VAX1: variants seen among roughly 807,000 people sequenced by gnomAD.
VAX1 encodes the protein ventral anterior homeobox 1.
In VAX1, 6 loss-of-function variants were observed where a neutral mutation model predicts 17.6. The ratio of observed to expected loss-of-function variants is 0.34; its 90% confidence interval spans 0.19 to 0.67. VAX1 has a LOEUF of 0.67. Ranked by LOEUF, VAX1 falls within the 30% of genes least tolerant of loss-of-function variation. VAX1 has a pLI of 0.69. For synonymous variants in VAX1, 256 were observed against 227.4 expected, an observed-to-expected ratio of 1.13 and a Z score of -1.13; for missense variants, 408 against 463.7, an observed-to-expected ratio of 0.88 and a Z score of 1.10.
chr10:117,132,071 C>G (rs754362087), downstream of VAX1: 1 of 840,578 alleles, frequency 1.2e-6, no homozygotes, highest in Non-Finnish European at 1.8e-6. This position sits in a 1 kb window ranked among gnomAD's most constrained non-coding sequence, Gnocchi z 4.9. Flanking sequence ...CTCAGAGGGA[C>G]AGATAGAGAA....
rs567366994 is a variant in VAX1 at position 117,136,293 on chromosome 10, G to T, written c.429+179C>A. ...TTGGGGATGGCAGGAATGGTGGGGG[G>T]AAAGGATGTATTATCTAGGGGAAGG... is the stretch of plus-strand genomic sequence containing the variant. On this transcript the variant is annotated intron_variant, in intron 2 of 2. Coordinates refer to ENST00000369206, the MANE Select transcript of VAX1 (RefSeq NM_001112704.2). The surrounding 1 kb of genome is among the most constrained non-coding windows in gnomAD (Gnocchi z 5.0). 1.2e-3 allele frequency among the ~76,000 whole-genome samples: 181 copies of T among 152,342 alleles called. 2 individuals carry two copies. Among genetic ancestry groups the T allele is most frequent in the East Asian group, 9.9e-3 (51 of 5,174 alleles).
downstream of VAX1, chr10:117,132,618 T>A (rs939494118): frequency 5.0e-6 from 5 of 1,003,018 alleles, no homozygotes; most frequent in Non-Finnish European, 7.2e-6. This position sits in a 1 kb window ranked among gnomAD's most constrained non-coding sequence, Gnocchi z 4.9. Context: ...CCTCGCAGTC[T>A]GGGTCTGTGA....
rs1394930296 is a variant in VAX1 at position 117,136,766 on chromosome 10, A to T, written c.242-107T>A. 1.4e-6 allele frequency: 2 copies of T among 1,393,624 alleles called. No individual in the cohort carries two copies. The highest frequency in any genetic ancestry group is 2.6e-5 in the Admixed American group (1 of 38,312). The allele number at this position is 1,393,624 out of a possible 1,614,324, so 86.3% of individuals were successfully genotyped here. On this transcript the variant is annotated intron_variant, in intron 1 of 2. Transcript: ENST00000369206. The surrounding 1 kb of genome is among the most constrained non-coding windows in gnomAD (Gnocchi z 5.0). ...TCCCCAGAAGCGTGCAGTTTTGGGGATGGGGGGCGGGGTGCGGAGCGCGAC... is the reference window on the plus strand; with the variant it reads ...TCCCCAGAAGCGTGCAGTTTTGGGGTTGGGGGGCGGGGTGCGGAGCGCGAC...
In VAX1 at chr10:117,138,150, G is replaced by C. The variant is rs1008591079; in HGVS notation, c.-94C>G. ...GAAGGAAAAAAAAAAGAGGAAAAAG[G>C]GGACAAAACCCCCGACAACGCGGCC... is the stretch of plus-strand genomic sequence containing the variant. On this transcript the variant is annotated 5_prime_UTR_variant, in exon 1 of 3. Transcript: ENST00000369206. 5 of 1,251,186 alleles carry C rather than the reference G, an allele frequency of 4.0e-6. No individual in the cohort carries two copies. 77.5% of individuals were successfully genotyped at this position (1,251,186 alleles called of 1,614,324 possible).
At position 117,134,235 on chromosome 10, in the gene VAX1, C is replaced by T. The variant is rs1226333548; in HGVS notation, c.778G>A (p.Gly260Arg). The T allele has an allele frequency of 7.1e-7, 1 of 1,414,164 alleles. No homozygotes were observed. The highest frequency in any genetic ancestry group is 9.1e-7 in the Non-Finnish European group (1 of 1,093,898). 87.6% of individuals were successfully genotyped at this position (1,414,164 alleles called of 1,614,324 possible). A position where few individuals can be genotyped will look rare whatever the true frequency, so the allele number is the denominator to read the frequency against. Residue 260 changes from glycine to arginine, a missense_variant, in exon 3 of 3, where the codon GGA becomes AGA. Gly to Arg is a moderately radical substitution (Grantham distance 125, BLOSUM62 -2). Around this residue, in one of 4 missense-constraint regions of VAX1, gnomAD observed 196 missense variants for 218.7 expected, o/e 0.90. Coordinates refer to ENST00000369206, the MANE Select transcript of VAX1 (RefSeq NM_001112704.2). The surrounding 1 kb of genome is among the most constrained non-coding windows in gnomAD (Gnocchi z 6.2). The stretch of plus-strand genomic sequence containing the variant: ...GCGGCCGGGGCGCCTGCGTGCAATC[C>T]CCCCGGCCCGGCGGGCCCGGGACCT... Reference protein sequence around the residue: ...APGPGPAGPGGLHAGAPAAGH... With the variant: ...APGPGPAGPGRLHAGAPAAGH...
In VAX1 at chr10:117,137,850, C is replaced by A; in HGVS notation, c.207G>T (p.Ala69=). 1 of 1,613,252 alleles carries A rather than the reference C, an allele frequency of 6.2e-7. No homozygotes were observed. Among genetic ancestry groups the A allele is most frequent in the Non-Finnish European group, 8.5e-7 (1 of 1,179,972 alleles). ...DCNKSKSNSA[A]DPDYCRRILV... ...GGATCCGGCGGCAGTAATCCGGGTC[C>A]GCTGCGGAATTGGATTTACTTTTGT... The change falls in exon 1 of 3, where the codon GCG becomes GCT. Residue 69 remains alanine (A), a synonymous_variant. Transcript: ENST00000369206. The surrounding 1 kb of genome is among the most constrained non-coding windows in gnomAD (Gnocchi z 7.4).
At position 117,133,946 on chromosome 10, in the gene VAX1, G is replaced by T. The variant is rs369343832; in HGVS notation, c.*62C>A. On this transcript the variant is annotated 3_prime_UTR_variant, in exon 3 of 3. Transcript: ENST00000369206. ...CAGGAGCTCTGGGCACCTAATGCGC[G>T]TGAGTCCATAAATATCACCACAATA... 3 of 1,452,136 alleles carry T rather than the reference G, an allele frequency of 2.1e-6. No homozygotes were observed. The highest frequency in any genetic ancestry group is 3.3e-5 in the Admixed American group (1 of 30,612). The allele number at this position is 1,452,136 out of a possible 1,614,324, so 90.0% of individuals were successfully genotyped here. A position where few individuals can be genotyped will look rare whatever the true frequency, so the allele number is the denominator to read the frequency against.
chr10:117,132,278 C>A (rs745536687), downstream of VAX1: 1 of 1,613,928 alleles, frequency 6.2e-7, no homozygotes, highest in Non-Finnish European at 8.5e-7. This position sits in a 1 kb window ranked among gnomAD's most constrained non-coding sequence, Gnocchi z 4.9. Flanking sequence ...GCTCTTTCTT[C>A]CTTTTCTTCT....
Position 117,138,193 on chromosome 10 carries a change from G to A in VAX1, c.-137C>T, listed in dbSNP as rs1275441356. 2 of 1,064,140 alleles carry A rather than the reference G, an allele frequency of 1.9e-6. No homozygotes were observed. Among genetic ancestry groups the A allele is most frequent in the Admixed American group, 2.6e-5 (1 of 37,950 alleles). The allele number at this position is 1,064,140 out of a possible 1,614,324, so 65.9% of individuals were successfully genotyped here. A position where few individuals can be genotyped will look rare whatever the true frequency, so the allele number is the denominator to read the frequency against. Reference sequence around the variant, plus strand: ...ACGCGGCCCGTACGCCCGGCCCGGCGACAGGCAAGGGGCAAGAATGAATGT... The same window carrying A: ...ACGCGGCCCGTACGCCCGGCCCGGCAACAGGCAAGGGGCAAGAATGAATGT... On this transcript the variant is annotated 5_prime_UTR_variant, in exon 1 of 3. Transcript: ENST00000369206.
intron 2 of VAX1, among the ~76,000 whole-genome samples, chr10:117,135,695 C>A (rs1013850946): frequency 6.6e-6 from 1 of 152,248 alleles, no homozygotes; most frequent in African/African-American, 2.4e-5. Context: ...TGGTGACATG[C>A]CACTTGGCAA....
rs1185440505 is a variant in VAX1 at position 117,134,600 on chromosome 10, G to A, written c.430-17C>T. ...GACCTTCACCTGCGCGCCGGGGTGC[G>A]GGGAGAGTTGGAGAGAGGGGCAGGG... On this transcript the variant is annotated splice_polypyrimidine_tract_variant and intron_variant, in intron 2 of 2. Coordinates refer to ENST00000369206, the MANE Select transcript of VAX1 (RefSeq NM_001112704.2). This position sits in a 1 kb window ranked among gnomAD's most constrained non-coding sequence, Gnocchi z 6.2. The A allele has an allele frequency of 1.3e-6, 2 of 1,511,372 alleles. No homozygotes were observed. Among genetic ancestry groups the A allele is most frequent in the Admixed American group, 2.1e-5 (1 of 48,678 alleles). The allele number at this position is 1,511,372 out of a possible 1,614,324, so 93.6% of individuals were successfully genotyped here.
Position 117,133,846 on chromosome 10 carries a change from T to C in VAX1, c.*162A>G, listed in dbSNP as rs1169620032. 3.8e-6 allele frequency: 5 copies of C among 1,326,974 alleles called. No individual in the cohort carries two copies. In the African/African-American group the frequency reaches 7.8e-5, roughly 21 times the overall value. 82.2% of individuals were successfully genotyped at this position (1,326,974 alleles called of 1,614,324 possible). On this transcript the variant is annotated 3_prime_UTR_variant, in exon 3 of 3. Coordinates refer to ENST00000369206, the MANE Select transcript of VAX1 (RefSeq NM_001112704.2). ...TAGTAGAAAAAAAAAATAGCCCGAA[T>C]GAGATGAAATTGGTAGCAGAGTCTA...
At position 117,133,770 on chromosome 10, in the gene VAX1, T is replaced by C; in HGVS notation, c.*238A>G. 1 of 1,291,834 alleles carries C rather than the reference T, an allele frequency of 7.7e-7. No individual in the cohort carries two copies. The highest frequency in any genetic ancestry group is 2.1e-5 in the South Asian group (1 of 46,948). 80.0% of individuals were successfully genotyped at this position (1,291,834 alleles called of 1,614,324 possible). A position where few individuals can be genotyped will look rare whatever the true frequency, so the allele number is the denominator to read the frequency against. ...CATTTTTCCCAATTCTTTGGATCGC[T>C]CCTGGATTCAGAAGGAAGTTGGGGG... is the stretch of plus-strand genomic sequence containing the variant. On this transcript the variant is annotated 3_prime_UTR_variant, in exon 3 of 3. Transcript: ENST00000369206.
In VAX1 at chr10:117,134,520, G is replaced by A. The variant is rs1854143922; in HGVS notation, c.493C>T (p.Leu165=). Residue 165 remains leucine, a synonymous_variant, in exon 3 of 3, where the codon CTA becomes TTA. Transcript: ENST00000369206. This position sits in a 1 kb window ranked among gnomAD's most constrained non-coding sequence, Gnocchi z 6.2. ...GCGGTCTCCGACACCACCGAGCGTA[G>A]CTCCGAGTCCTTGCCCTGGTCCTTC... ...QKKDQGKDSE[L]RSVVSETAAT... 2.0e-6 allele frequency: 3 copies of A among 1,533,108 alleles called. No homozygotes were observed. The highest frequency in any genetic ancestry group is 5.1e-5 in the East Asian group (2 of 39,452). 95.0% of individuals were successfully genotyped at this position (1,533,108 alleles called of 1,614,324 possible).
Position 117,134,563 on chromosome 10 carries a change from G to A in VAX1, c.450C>T (p.Asn150=). The change falls in exon 3 of 3, where the codon AAC becomes AAT. Residue 150 remains asparagine (N), a synonymous_variant. Transcript: ENST00000369206. The surrounding 1 kb of genome is among the most constrained non-coding windows in gnomAD (Gnocchi z 6.2). ...GGTCCTTCTTCTGCTTGGTGCGCCGGTTCTGGAACCAGACCTTCACCTGCG... is the reference window on the plus strand; with the variant it reads ...GGTCCTTCTTCTGCTTGGTGCGCCGATTCTGGAACCAGACCTTCACCTGCG... The part of the protein sequence containing the change: ...SETQVKVWFQ[N]RRTKQKKDQG... 2.0e-6 allele frequency: 3 copies of A among 1,526,232 alleles called. No homozygotes were observed. Among genetic ancestry groups the A allele is most frequent in the Non-Finnish European group, 1.8e-6 (2 of 1,137,838 alleles). 94.5% of individuals were successfully genotyped at this position (1,526,232 alleles called of 1,614,324 possible).
intron 2 of VAX1, among the ~76,000 whole-genome samples, chr10:117,135,392 C>T (rs1024146734): frequency 6.6e-6 from 1 of 152,170 alleles, no homozygotes; most frequent in Non-Finnish European, 1.5e-5. Context: ...CCCCACTAAC[C>T]TCCCCTCTCA....
downstream of VAX1, chr10:117,131,142 C>A (rs887155778): frequency 3.3e-5 from 5 of 152,622 alleles, no homozygotes; most frequent in East Asian, 1.9e-4. Context: ...GAGAAAAAAA[C>A]CAGAAAACCA....
Position 117,134,274 on chromosome 10 carries a change from C to G in VAX1, c.739G>C (p.Val247Leu). 1 of 1,272,170 alleles carries G rather than the reference C, an allele frequency of 7.9e-7. No homozygotes were observed. The highest frequency in any genetic ancestry group is 3.2e-5 in the East Asian group (1 of 31,054). The allele number at this position is 1,272,170 out of a possible 1,614,324, so 78.8% of individuals were successfully genotyped here. ...GGCCCGGGACCTGGAGCACCGCCCA[C>G]AGCCGGCGGGTGCGGGGATGCAGCG... ...AGAASPHPPA[V>L]GGAPGPGPAG... The change falls in exon 3 of 3, where the codon GTG (valine) becomes CTG (leucine). Residue 247 changes from valine (V) to leucine (L), a missense_variant. Physicochemically the swap from Val to Leu is conservative, Grantham distance 32. This residue lies in a region of VAX1 where 196 missense variants were observed against 218.7 expected (regional missense o/e 0.90). Transcript: ENST00000369206. The surrounding 1 kb of genome is among the most constrained non-coding windows in gnomAD (Gnocchi z 6.2).
At chr10:117,130,271 T>C (rs951675398), downstream of VAX1, 5 of 152,200 alleles carry the variant, frequency 3.3e-5, no homozygotes, top group African/African-American at 7.2e-5. Context: ...TTGTAAACTA[T>C]AAAGGGTTGC....
Sources: allele counts gnomAD v4.1 joint callset (sites outside exome capture counted in the v4.1 genomes callset), GRCh38; gene constraint gnomAD v4.1.1; regional missense constraint gnomAD v4.1.1; non-coding constraint Gnocchi (gnomAD v3.1); transcripts MANE v1.5; gene names NCBI Gene and HGNC (gene_info 2026-07-23, HGNC 2026-07-21).